Variants in ADCY2 observed in about 807,000 individuals in gnomAD.
ADCY2 encodes adenylate cyclase 2, also known as adenylate cyclase type 2.
Under a neutral mutation model 125.2 loss-of-function variants are expected in ADCY2, and 31 were observed. The ratio of observed to expected loss-of-function variants is 0.25; its 90% CI spans 0.19 to 0.33. ADCY2 has a LOEUF of 0.33. ADCY2 is among the 10% of genes least tolerant of loss of function. The pLI is 1.00. For missense variants in ADCY2, 904 were observed against 1,418.2 expected, an observed-to-expected ratio of 0.64 and a Z score of 5.82; for synonymous variants, 512 against 548.4, an observed-to-expected ratio of 0.93 and a Z score of 0.93.
chr5:7,577,078 G>C (rs2126607838), intron 3 of ADCY2, among the ~76,000 whole-genome samples: 1 of 152,212 alleles, frequency 6.6e-6, no homozygotes, highest in African/African-American at 2.4e-5. Flanking sequence ...TTTTCCTTTA[G>C]TTTGTGATAC....
intron 3 of ADCY2, among the ~76,000 whole-genome samples, chr5:7,597,313 T>G (rs1381776428): frequency 2.6e-5 from 4 of 152,214 alleles, no homozygotes. Flanking sequence ...GAGACCTCTT[T>G]GAGAAGTTGG....
chr5:7,493,740 A>G (rs1743248723), intron 2 of ADCY2, among the ~76,000 whole-genome samples: 1 of 152,282 alleles, frequency 6.6e-6, no homozygotes, highest in East Asian at 1.9e-4. Flanking sequence ...TGGGAGCTTC[A>G]GGAGTTCAAT....
rs896268761 is a variant in ADCY2 at position 7,827,675 on chromosome 5, T to C, written c.*804T>C. 4.6e-5 allele frequency: 7 copies of C among 152,362 alleles called. No individual in the cohort carries two copies. The highest frequency in any genetic ancestry group is 1.7e-4 in the African/African-American group (7 of 41,450). The allele number at this position is 152,362 out of a possible 1,614,324, so 9.4% of individuals were successfully genotyped here. A position where few individuals can be genotyped will look rare whatever the true frequency, so the allele number is the denominator to read the frequency against. On this transcript the variant is annotated 3_prime_UTR_variant, in exon 25 of 25. Transcript: ENST00000338316. ...CCAGAAGCCAATATTGAGATGTAATTCAGATTAGGACACAGTGTGTGACGC... is the reference window on the plus strand; with the variant it reads ...CCAGAAGCCAATATTGAGATGTAATCCAGATTAGGACACAGTGTGTGACGC...
In ADCY2 at chr5:7,470,587, A is replaced by T. The variant is rs1048799767; in HGVS notation, c.409-50151A>T. On this transcript the variant is annotated intron_variant, in intron 2 of 24. Coordinates refer to ENST00000338316, the MANE Select transcript of ADCY2 (RefSeq NM_020546.3). ...TATATTATATACATTTGACTATATAATTGTATATTAGGCTATTTATATATA... is the reference window on the plus strand; with the variant it reads ...TATATTATATACATTTGACTATATATTTGTATATTAGGCTATTTATATATA... Among the ~76,000 whole-genome samples the T allele has an allele frequency of 3.4e-5, 5 of 148,232 alleles. No individual in the cohort carries two copies. The Admixed American group carries it at 3.4e-4, about 10-fold the overall frequency.
chr5:7,666,767 C>T (rs1390511700), intron 4 of ADCY2, among the ~76,000 whole-genome samples: 1 of 152,180 alleles, frequency 6.6e-6, no homozygotes, highest in Non-Finnish European at 1.5e-5. Context: ...GATATTGCCC[C>T]CCTGGCTTCC....
intron 2 of ADCY2, among the ~76,000 whole-genome samples, chr5:7,456,988 T>C (rs952338521): frequency 1.3e-5 from 2 of 152,178 alleles, no homozygotes; most frequent in African/African-American, 4.8e-5. Flanking sequence ...TAGCAAAAGC[T>C]GGGAACTTGT....
At chr5:7,803,610 G>T (rs1208569702) in intron 21 of ADCY2, among the ~76,000 whole-genome samples, 1 of 152,184 alleles carries the variant, frequency 6.6e-6, no homozygotes, top group African/African-American at 2.4e-5. Context: ...AGAAATAGTA[G>T]GGCTCGGGCC....
Position 7,827,224 on chromosome 5 carries a change from T to C in ADCY2, c.*353T>C, listed in dbSNP as rs1030060364. 8 of 199,454 alleles carry C rather than the reference T, an allele frequency of 4.0e-5. No homozygotes were observed. Among genetic ancestry groups the C allele is most frequent in the Non-Finnish European group, 8.2e-5 (8 of 97,758 alleles). 12.4% of individuals were successfully genotyped at this position (199,454 alleles called of 1,614,324 possible). On this transcript the variant is annotated 3_prime_UTR_variant, in exon 25 of 25. Transcript: ENST00000338316. ...GGTGCATGTTCTTTTCTGGAAAATA[T>C]GGTAGCTCGCCAACCGCATCTGCTC...
chr5:7,748,864 C>T (rs1417366813), intron 15 of ADCY2, among the ~76,000 whole-genome samples: 2 of 152,162 alleles, frequency 1.3e-5, no homozygotes, highest in Non-Finnish European at 2.9e-5. Context: ...ATCCATTTGA[C>T]AGTTTAATAG....
At chr5:7,736,927 A>G (rs541054955) in intron 14 of ADCY2, among the ~76,000 whole-genome samples, 4 of 152,302 alleles carry the variant, frequency 2.6e-5, no homozygotes, top group African/African-American at 9.6e-5. Context: ...ATTTATAAAA[A>G]AAATTAGAGT....
intron 22 of ADCY2, among the ~76,000 whole-genome samples, chr5:7,813,763 C>T (rs1745014257): frequency 6.6e-6 from 1 of 152,214 alleles, no homozygotes; most frequent in African/African-American, 2.4e-5. Flanking sequence ...CTTAAAACCT[C>T]CAGTTTAAAC....
intron 3 of ADCY2, among the ~76,000 whole-genome samples, chr5:7,576,984 C>T (rs73048150): frequency 0.028 from 4,271 of 152,294 alleles, 189 homozygotes; most frequent in African/African-American, 0.097. Flanking sequence ...CATAGCATTG[C>T]TTAATGTATA....
intron 2 of ADCY2, among the ~76,000 whole-genome samples, chr5:7,485,316 T>C (rs1410395568): frequency 1.3e-5 from 2 of 152,334 alleles, no homozygotes; most frequent in East Asian, 3.9e-4. Flanking sequence ...AGGTTAACAT[T>C]CTTGACATAT....
At chr5:7,821,466 A>G (rs180919304) in intron 24 of ADCY2, among the ~76,000 whole-genome samples, 151 of 152,208 alleles carry the variant, frequency 9.9e-4, no homozygotes, top group Non-Finnish European at 1.7e-3. Context: ...GGGAAGAGAA[A>G]CAAGGGAGGC....
At chr5:7,812,313 TTAACAGGAAAC>T (rs1250464806) in intron 22 of ADCY2, among the ~76,000 whole-genome samples, 4 of 152,214 alleles carry the variant, frequency 2.6e-5, no homozygotes, top group African/African-American at 9.7e-5. Context: ...TCTCATGCTG[TTAACAGGAAAC>T]TCAAAACGGA....
intron 2 of ADCY2, among the ~76,000 whole-genome samples, chr5:7,472,281 G>A (rs564206344): frequency 2.0e-4 from 30 of 152,098 alleles, no homozygotes; most frequent in South Asian, 4.1e-4. Context: ...TCACTGATTC[G>A]TATCTAAACT....
intron 23 of ADCY2, among the ~76,000 whole-genome samples, chr5:7,818,483 A>G (rs1745189165): frequency 6.6e-6 from 1 of 151,754 alleles, no homozygotes; most frequent in African/African-American, 2.4e-5. Flanking sequence ...CGGCCTCCCA[A>G]CTAGCTGGGA....
chr5:7,417,459 C>A (rs2126339149), intron 2 of ADCY2, among the ~76,000 whole-genome samples: 1 of 152,114 alleles, frequency 6.6e-6, no homozygotes, highest in Non-Finnish European at 1.5e-5. Context: ...AGTATTTTGT[C>A]TAATTATTTT....
At chr5:7,749,165 T>C (rs10061583) in intron 15 of ADCY2, among the ~76,000 whole-genome samples, 133,250 of 152,180 alleles carry the variant, frequency 0.88, 58,432 homozygotes, top group East Asian at 0.97. Context: ...GTACCTATTC[T>C]TATTCTTCTC....
Sources: gnomAD v4.1 joint callset for allele counts (sites outside exome capture counted in the v4.1 genomes callset) on GRCh38, gnomAD v4.1.1 for gene constraint, MANE v1.5 for transcripts, NCBI Gene and HGNC (gene_info 2026-07-23, HGNC 2026-07-21) for gene names.